LSAMP: variants seen among roughly 807,000 people sequenced by gnomAD.
The protein encoded by LSAMP is limbic system associated membrane protein.
LSAMP carries 7 observed loss-of-function variants against 38.6 expected under a neutral mutation model. The observed-to-expected ratio is 0.18, with a 90% confidence interval of 0.10 to 0.34. The LOEUF (loss-of-function observed/expected upper bound fraction) is 0.34. Ranked by LOEUF, LSAMP falls within the 10% of genes least tolerant of loss-of-function variation. The pLI is 1.00. For missense variants in LSAMP, 313 were observed against 420.0 expected (o/e 0.75, Z 2.23); for synonymous variants, 154 against 166.8 (o/e 0.92, Z 0.59).
chr3:116,043,033 AT>A (rs527422252), intron 2 of LSAMP, among the ~76,000 whole-genome samples: 67 of 152,178 alleles, frequency 4.4e-4, no homozygotes, highest in Non-Finnish European at 8.2e-4. Flanking sequence ...CTAGATAATT[AT>A]TTGTTGTGGG....
rs536389322 is a variant in LSAMP, at chr3:116,207,047, T to C, written c.156-120491A>G. On this transcript the variant is annotated intron_variant, in intron 1 of 6. Transcript: ENST00000490035. ...TTAATGTGTGGGAGTCTAAGTCTCT[T>C]TGTAGGTCACTCAGGACTTGCTTTA... Among the ~76,000 whole-genome samples, 251 of 151,908 alleles carry C rather than the reference T, an allele frequency of 1.7e-3. 2 individuals carry two copies. The highest frequency in any genetic ancestry group is 5.8e-3 in the African/African-American group (241 of 41,382).
chr3:116,140,192 A>T (rs1399747161), intron 1 of LSAMP, among the ~76,000 whole-genome samples: 2 of 151,990 alleles, frequency 1.3e-5, no homozygotes, highest in Admixed American at 1.3e-4. Context: ...GATGTGGTGT[A>T]TAATTTCTTA....
At chr3:116,063,595 A>T (rs1941632970) in intron 2 of LSAMP, among the ~76,000 whole-genome samples, 1 of 152,178 alleles carries the variant, frequency 6.6e-6, no homozygotes. Context: ...TTTGAGAGAT[A>T]TTTACCAATA....
At chr3:115,844,225 A>G (rs1305503271) in intron 4 of LSAMP, among the ~76,000 whole-genome samples, 2 of 152,166 alleles carry the variant, frequency 1.3e-5, no homozygotes, top group Non-Finnish European at 2.9e-5. Flanking sequence ...ATCCAAGTGT[A>G]TTTTCAAACC....
At chr3:116,004,822 G>A (rs1279044148) in intron 3 of LSAMP, among the ~76,000 whole-genome samples, 2 of 152,006 alleles carry the variant, frequency 1.3e-5, no homozygotes, top group African/African-American at 4.8e-5. Flanking sequence ...ATTCTCTCTG[G>A]ACCCAATTCA....
intron 1 of LSAMP, among the ~76,000 whole-genome samples, chr3:116,129,116 A>C (rs1405300803): frequency 6.6e-6 from 1 of 152,180 alleles, no homozygotes; most frequent in East Asian, 1.9e-4. Context: ...AAAACATAAA[A>C]CGTGAATTCA....
intron 1 of LSAMP, among the ~76,000 whole-genome samples, chr3:116,127,916 T>C (rs1709043819): frequency 1.3e-5 from 2 of 152,134 alleles, no homozygotes; most frequent in Non-Finnish European, 2.9e-5. Context: ...TGCTTAGCAT[T>C]TCTAGTAGAA....
In LSAMP at chr3:115,969,544, C is replaced by T. The variant is rs114674225; in HGVS notation, c.514+49971G>A. Among the ~76,000 whole-genome samples, 572 of 152,098 alleles carry T rather than the reference C, an allele frequency of 3.8e-3. 8 individuals carry two copies. Among genetic ancestry groups the T allele is most frequent in the African/African-American group, 0.012 (501 of 41,498 alleles). ...GGATGAAGGTGACCCACCCTTCTGG[C>T]GAAAAAATTCTTTGAAAGCTCATGT... On this transcript the variant is annotated intron_variant, in intron 3 of 6. Transcript: ENST00000490035.
intron 3 of LSAMP, among the ~76,000 whole-genome samples, chr3:115,960,153 G>T (rs566942034): frequency 2.0e-5 from 3 of 152,140 alleles, no homozygotes; most frequent in Admixed American, 2.0e-4. Flanking sequence ...TGGAAGTGAG[G>T]TGTGTAAAGA....
At chr3:116,238,426 A>G (rs968372069) in intron 1 of LSAMP, among the ~76,000 whole-genome samples, 1 of 152,188 alleles carries the variant, frequency 6.6e-6, no homozygotes, top group Non-Finnish European at 1.5e-5. Flanking sequence ...ATATTCATGC[A>G]TAATTGTGAT....
At chr3:116,120,989 CTG>C (rs1407623832) in intron 1 of LSAMP, among the ~76,000 whole-genome samples, 1 of 152,160 alleles carries the variant, frequency 6.6e-6, no homozygotes, top group Non-Finnish European at 1.5e-5. Flanking sequence ...ATGACAAACT[CTG>C]TGAAACCCAT....
chr3:116,360,018 G>C (rs765813469), intron 1 of LSAMP: 2 of 154,226 alleles, frequency 1.3e-5, no homozygotes, highest in Admixed American at 1.3e-4. Context: ...CAAGATGGCC[G>C]AATAGGAACA....
chr3:116,441,427 G>T (rs1018567485), intron 1 of LSAMP, among the ~76,000 whole-genome samples: 7 of 152,108 alleles, frequency 4.6e-5, no homozygotes, highest in African/African-American at 1.7e-4. Flanking sequence ...AACTAACATG[G>T]TTCTTTGTGG....
At chr3:116,429,349 TC>T (rs2049247385) in intron 1 of LSAMP, among the ~76,000 whole-genome samples, 1 of 152,234 alleles carries the variant, frequency 6.6e-6, no homozygotes, top group Non-Finnish European at 1.5e-5. Flanking sequence ...GAAATTGGGT[TC>T]AGCAAGAGGT....
intron 1 of LSAMP, among the ~76,000 whole-genome samples, chr3:116,350,195 A>G (rs983613904): frequency 6.6e-6 from 1 of 152,228 alleles, no homozygotes; most frequent in Non-Finnish European, 1.5e-5. Context: ...AGCACATAGC[A>G]GGTACTAAAT....
At chr3:116,438,463 G>C (rs530038243) in intron 1 of LSAMP, among the ~76,000 whole-genome samples, 1 of 152,056 alleles carries the variant, frequency 6.6e-6, no homozygotes, top group Non-Finnish European at 1.5e-5. Context: ...TGACCATTTT[G>C]AACTTATTAC....
At chr3:116,239,718 T>C (rs2046507936) in intron 1 of LSAMP, among the ~76,000 whole-genome samples, 1 of 152,166 alleles carries the variant, frequency 6.6e-6, no homozygotes, top group Admixed American at 6.5e-5. Context: ...TACATGGCCA[T>C]TAGTCAGGAA....
intron 3 of LSAMP, among the ~76,000 whole-genome samples, chr3:115,997,749 T>TATAC (rs1939861151): frequency 4.5e-5 from 6 of 131,902 alleles, no homozygotes; most frequent in African/African-American, 1.8e-4. Flanking sequence ...TATATATATA[T>TATAC]ATATACACAC....
chr3:116,125,890 C>A (rs1055124957), intron 1 of LSAMP, among the ~76,000 whole-genome samples: 2 of 152,116 alleles, frequency 1.3e-5, no homozygotes, highest in Non-Finnish European at 2.9e-5. Flanking sequence ...TGTGCCTGGG[C>A]TCATTGCTCT....
Sources: gnomAD v4.1 joint callset for allele counts (sites outside exome capture counted in the v4.1 genomes callset) on GRCh38, gnomAD v4.1.1 for gene constraint, MANE v1.5 for transcripts, NCBI Gene and HGNC (gene_info 2026-07-23, HGNC 2026-07-21) for gene names.